Variants in TMEM131L observed in about 807,000 individuals in gnomAD.
TMEM131L encodes the protein transmembrane protein 131-like.
Under a neutral mutation model 192.2 loss-of-function variants are expected in TMEM131L, and 54 were observed. The ratio of observed to expected loss-of-function variants is 0.28; its 90% CI spans 0.23 to 0.35. The LOEUF is 0.35. Ranked by LOEUF, TMEM131L falls within the 10% of genes least tolerant of loss-of-function variation. TMEM131L has a pLI of 1.00. For synonymous variants in TMEM131L, 701 were observed against 704.9 expected, an observed-to-expected ratio of 0.99 and a Z score of 0.09; for missense variants, 1,888 against 1,972.9, an observed-to-expected ratio of 0.96 and a Z score of 0.82.
intron 6 of TMEM131L, among the ~76,000 whole-genome samples, chr4:153,558,027 T>A (rs1728600474): frequency 6.6e-6 from 1 of 152,216 alleles, no homozygotes; most frequent in South Asian, 2.1e-4. Context: ...TCCCTGGGCC[T>A]CCCAAAGTGT....
chr4:153,497,060 C>T (rs1733226195), intron 3 of TMEM131L, among the ~76,000 whole-genome samples: 2 of 152,048 alleles, frequency 1.3e-5, no homozygotes, highest in Non-Finnish European at 2.9e-5. Flanking sequence ...TGGGGTTTTG[C>T]CATGTTGCCC....
At position 153,636,599 on chromosome 4, in the gene TMEM131L, T is replaced by C; in HGVS notation, c.*23T>C. ...TGAAAATAATTGGATTTTTAAACAATGTGAATAAAGAGGCTTGTGTTTTGA... is the reference window on the plus strand; with the variant it reads ...TGAAAATAATTGGATTTTTAAACAACGTGAATAAAGAGGCTTGTGTTTTGA... On this transcript the variant is annotated 3_prime_UTR_variant, in exon 35 of 35. Coordinates refer to ENST00000409959, the MANE Select transcript of TMEM131L (RefSeq NM_001131007.2). 1 of 1,603,410 alleles carries C rather than the reference T, an allele frequency of 6.2e-7. No individual in the cohort carries two copies. The highest frequency in any genetic ancestry group is 8.5e-7 in the Non-Finnish European group (1 of 1,171,902).
At chr4:153,603,215 A>G (rs906970671) in intron 23 of TMEM131L, 88 bp from the exon 24 acceptor site, 2 of 1,148,204 alleles carry the variant, frequency 1.7e-6, no homozygotes, top group Non-Finnish European at 2.4e-6. Context: ...TTTTTCGTAA[A>G]TCATTCCCCA....
At chr4:153,596,147 A>G (rs902311728) in intron 19 of TMEM131L, 111 bp from the exon 20 acceptor site, 2 of 1,286,228 alleles carry the variant, frequency 1.6e-6, no homozygotes, top group African/African-American at 2.9e-5. Flanking sequence ...TAGGAGGATC[A>G]AATCTGGACA....
intron 3 of TMEM131L, among the ~76,000 whole-genome samples, chr4:153,500,770 G>A (rs536420031): frequency 1.3e-5 from 2 of 152,094 alleles, no homozygotes; most frequent in South Asian, 4.1e-4. Flanking sequence ...AACTATCTTA[G>A]CCTATTGAGA....
chr4:153,519,013 A>T (rs986853799), intron 3 of TMEM131L, among the ~76,000 whole-genome samples: 4 of 152,122 alleles, frequency 2.6e-5, no homozygotes, highest in Admixed American at 2.6e-4. Context: ...ATTTGCTGTG[A>T]TCAGTTTGTA....
intron 3 of TMEM131L, among the ~76,000 whole-genome samples, chr4:153,537,245 C>T (rs1455935041): frequency 6.6e-6 from 1 of 152,172 alleles, no homozygotes; most frequent in Non-Finnish European, 1.5e-5. Flanking sequence ...TTATGGTTAA[C>T]TCCACCTTTG....
chr4:153,485,236 A>G (rs1732245483), intron 3 of TMEM131L, among the ~76,000 whole-genome samples: 1 of 150,284 alleles, frequency 6.7e-6, no homozygotes, highest in Non-Finnish European at 1.5e-5. Context: ...TGTTTCAGGA[A>G]GGTGGCCATA....
intron 3 of TMEM131L, among the ~76,000 whole-genome samples, chr4:153,485,232 A>G (rs1004355889): frequency 1.3e-5 from 2 of 151,538 alleles, no homozygotes; most frequent in Non-Finnish European, 2.9e-5. Context: ...TTTATGTTTC[A>G]GGAAGGTGGC....
At chr4:153,623,125 C>G (rs1016750927) in intron 29 of TMEM131L, 42 bp downstream of exon 29, 4 of 1,502,850 alleles carry the variant, frequency 2.7e-6, no homozygotes, top group South Asian at 2.6e-5. Flanking sequence ...GGTGGCCCTT[C>G]CCTCTGCCCT....
intron 25 of TMEM131L, among the ~76,000 whole-genome samples, chr4:153,610,446 G>T (rs1323091646): frequency 6.6e-6 from 1 of 152,084 alleles, no homozygotes; most frequent in African/African-American, 2.4e-5. Flanking sequence ...TATTCATTTT[G>T]TGACATTTGG....
intron 16 of TMEM131L, among the ~76,000 whole-genome samples, chr4:153,590,262 A>G (rs1038449141): frequency 2.0e-5 from 3 of 152,250 alleles, no homozygotes; most frequent in Non-Finnish European, 4.4e-5. Flanking sequence ...TTTATAAAAC[A>G]TTCCACACTC....
chr4:153,472,145 A>G (rs535545335), intron 2 of TMEM131L, among the ~76,000 whole-genome samples: 69 of 152,354 alleles, frequency 4.5e-4, no homozygotes, highest in South Asian at 1.2e-3. Context: ...GTATTAACTC[A>G]TTAACACACT....
chr4:153,629,485 G>A lies in TMEM131L; in HGVS notation c.4207+1798G>A, dbSNP rs540068049. Reference sequence around the variant, plus strand: ...ACACAAATCTACTATAATACTTCCCGTCATTAAAAATTCAACAATAGCCAA... The same window carrying A: ...ACACAAATCTACTATAATACTTCCCATCATTAAAAATTCAACAATAGCCAA... On this transcript the variant is annotated intron_variant, in intron 31 of 34. Transcript: ENST00000409959. Among the ~76,000 whole-genome samples the A allele has an allele frequency of 2.0e-4, 31 of 152,194 alleles. No homozygotes were observed. In the Middle Eastern group the frequency reaches 0.01, roughly 50 times the overall value.
Position 153,593,889 on chromosome 4 carries a change from A to C in TMEM131L, c.1995+18A>C. On this transcript the variant is annotated intron_variant, in intron 19 of 34. Coordinates refer to ENST00000409959, the MANE Select transcript of TMEM131L (RefSeq NM_001131007.2). The stretch of plus-strand genomic sequence containing the variant: ...CTTACCTGGTAGGATGTTATCCTAA[A>C]ACAGAAAAAAGAATGCCGACAAACT... 6.4e-7 allele frequency: 1 copy of C among 1,568,186 alleles called. No homozygotes were observed. The highest frequency in any genetic ancestry group is 8.8e-7 in the Non-Finnish European group (1 of 1,138,132).
chr4:153,612,526 T>A (rs1004986897), intron 26 of TMEM131L, 126 bp downstream of exon 26: 1 of 692,706 alleles, frequency 1.4e-6, no homozygotes, highest in African/African-American at 1.9e-5. Context: ...GAGTTTGATG[T>A]GTGTGTGTTC....
chr4:153,481,679 T>A (rs916457753), intron 3 of TMEM131L, among the ~76,000 whole-genome samples: 1 of 151,372 alleles, frequency 6.6e-6, no homozygotes, highest in African/African-American at 2.4e-5. Context: ...GGGACCACAG[T>A]CACCTGCCAC....
intron 3 of TMEM131L, among the ~76,000 whole-genome samples, chr4:153,531,364 G>C (rs1158047287): frequency 6.6e-6 from 1 of 152,188 alleles, no homozygotes; most frequent in African/African-American, 2.4e-5. Context: ...CTTTTTAAAA[G>C]GGAGGAAGTG....
intron 3 of TMEM131L, among the ~76,000 whole-genome samples, chr4:153,508,549 T>G (rs1280897096): frequency 6.6e-6 from 1 of 152,234 alleles, no homozygotes; most frequent in East Asian, 1.9e-4. Flanking sequence ...GTTTCTCATT[T>G]AACCCTTTAT....
Sources: gnomAD v4.1 joint callset for allele counts (sites outside exome capture counted in the v4.1 genomes callset) on GRCh38, gnomAD v4.1.1 for gene constraint, MANE v1.5 for transcripts, NCBI Gene and HGNC (gene_info 2026-07-23, HGNC 2026-07-21) for gene names.